The following TSPAN15 variants were observed in gnomAD, a reference collection of about 807,000 sequenced individuals.
The protein encoded by TSPAN15 is tetraspanin 15.
Under a neutral mutation model 34.5 loss-of-function variants are expected in TSPAN15, and 20 were observed. That is an observed-to-expected ratio of 0.58 (90% CI 0.41 to 0.84). TSPAN15 has a LOEUF of 0.84. Ranked by LOEUF, TSPAN15 falls within the 40% of genes least tolerant of loss-of-function variation. TSPAN15 has a pLI of 0.00. For synonymous variants in TSPAN15, 155 were observed against 153.9 expected (o/e 1.01, Z -0.05); for missense variants, 313 against 386.1 (o/e 0.81, Z 1.59).
intron 3 of TSPAN15, chr10:69,494,789 G>A (rs147013285): frequency 7.1e-6 from 7 of 985,364 alleles, no homozygotes; most frequent in African/African-American, 5.2e-5. Context: ...GCTGATACTC[G>A]ACCTCCGTGC....
At chr10:69,532,834 A>G in the TSPAN15 span, among the ~76,000 whole-genome samples, 1 of 152,196 alleles carries the variant, frequency 6.6e-6, no homozygotes, top group Non-Finnish European at 1.5e-5. Context: ...AATCATCAAG[A>G]AAAAAGCAAA....
At chr10:69,546,795 C>G in the TSPAN15 span, among the ~76,000 whole-genome samples, 1 of 152,108 alleles carries the variant, frequency 6.6e-6, no homozygotes, top group African/African-American at 2.4e-5. Context: ...CTCAGTCTTT[C>G]TGCTGCAGAC....
the TSPAN15 span, among the ~76,000 whole-genome samples, chr10:69,532,516 T>C: frequency 6.6e-6 from 1 of 152,190 alleles, no homozygotes; most frequent in Admixed American, 6.5e-5. Flanking sequence ...TCTCACCTTA[T>C]ACAAAAATCA....
intron 1 of TSPAN15, among the ~76,000 whole-genome samples, chr10:69,455,620 C>T (rs1564595642): frequency 4.7e-5 from 5 of 105,878 alleles, no homozygotes; most frequent in African/African-American, 1.6e-4. Flanking sequence ...CTCTCTCTCT[C>T]TCTCTCCCCC....
the TSPAN15 span, among the ~76,000 whole-genome samples, chr10:69,513,456 C>G: frequency 2.6e-5 from 4 of 152,288 alleles, no homozygotes; most frequent in South Asian, 8.3e-4. Context: ...ATCTTCCCAC[C>G]TCAGCCTCCT....
chr10:69,495,830 A>G (rs1349794408), intron 4 of TSPAN15, 141 bp downstream of exon 4: 4 of 645,610 alleles, frequency 6.2e-6, no homozygotes, highest in Non-Finnish European at 1.1e-5. Flanking sequence ...GGGAGGCAAC[A>G]GTGAGCATGG....
At chr10:69,516,419 G>A in the TSPAN15 span, among the ~76,000 whole-genome samples, 1 of 152,208 alleles carries the variant, frequency 6.6e-6, no homozygotes, top group Non-Finnish European at 1.5e-5. Context: ...TGCCCCAGCA[G>A]TGCCTCCACC....
the TSPAN15 span, among the ~76,000 whole-genome samples, chr10:69,531,709 A>C: frequency 7.9e-5 from 12 of 152,228 alleles, no homozygotes; most frequent in Non-Finnish European, 1.3e-4. Flanking sequence ...CCTGCACAAA[A>C]GGTCAATAAA....
chr10:69,495,632 T>C lies in TSPAN15; in HGVS notation c.396T>C (p.Ile132=). Reference sequence around the variant, plus strand: ...TGAACGACAACATTCGAAGAGGAATTGAGAACTACTATGATGATCTGGACT... The same window carrying C: ...TGAACGACAACATTCGAAGAGGAATCGAGAACTACTATGATGATCTGGACT... ...DFLNDNIRRG[I]ENYYDDLDFK... is the part of the protein sequence containing the mutation. Residue 132 remains isoleucine (I), a synonymous_variant, in exon 4 of 8, where the codon ATT becomes ATC. Transcript: ENST00000373290. The C allele has an allele frequency of 6.2e-7, 1 of 1,613,458 alleles. No homozygotes were observed.
chr10:69,498,372 C>G lies in TSPAN15; in HGVS notation c.546C>G (p.Pro182=). 1 of 1,613,972 alleles carries G rather than the reference C, an allele frequency of 6.2e-7. No homozygotes were observed. Among genetic ancestry groups the G allele is most frequent in the Non-Finnish European group, 8.5e-7 (1 of 1,179,948 alleles). Residue 182 remains proline (P), a synonymous_variant, in exon 5 of 8, where the codon CCC becomes CCG. Coordinates refer to ENST00000373290, the MANE Select transcript of TSPAN15 (RefSeq NM_012339.5). ...SAPGPLACGV[P]YTCCIRNTTE... is the part of the protein sequence containing the mutation. ...CTGGACCCCTGGCCTGTGGGGTGCC[C>G]TACACCTGCTGCATCAGGAACACGG...
downstream of TSPAN15, among the ~76,000 whole-genome samples, chr10:69,510,607 C>A (rs10823398): frequency 0.51 from 78,212 of 152,024 alleles, 20,826 homozygotes; most frequent in African/African-American, 0.63. Context: ...AACTTCTAAC[C>A]CTATGTTGAA....
intron 1 of TSPAN15, among the ~76,000 whole-genome samples, chr10:69,457,892 C>T (rs1295764294): frequency 1.3e-5 from 2 of 152,214 alleles, no homozygotes; most frequent in Non-Finnish European, 2.9e-5. Context: ...ATTAGTCGTT[C>T]TTTTCCTGCC....
At chr10:69,482,578 G>A (rs979830549) in intron 1 of TSPAN15, among the ~76,000 whole-genome samples, 3 of 152,210 alleles carry the variant, frequency 2.0e-5, no homozygotes, top group African/African-American at 4.8e-5. Flanking sequence ...TTTAATACGC[G>A]TTGTGGCGGC....
At chr10:69,512,846 G>A in the TSPAN15 span, among the ~76,000 whole-genome samples, 123 of 152,274 alleles carry the variant, frequency 8.1e-4, 1 homozygote, top group Middle Eastern at 6.8e-3. Context: ...ACTGATGGAC[G>A]TTTTGTTTCC....
chr10:69,471,408 G>A (rs1210148226), intron 1 of TSPAN15, among the ~76,000 whole-genome samples: 2 of 152,184 alleles, frequency 1.3e-5, no homozygotes, highest in Admixed American at 1.3e-4. Context: ...TGAGAATCCA[G>A]CTGCTTTCTT....
chr10:69,544,909 C>T, the TSPAN15 span, among the ~76,000 whole-genome samples: 6 of 152,328 alleles, frequency 3.9e-5, no homozygotes, highest in South Asian at 2.1e-4. Flanking sequence ...CAAAAGCCAG[C>T]GGCCTGGAGG....
At chr10:69,521,556 C>T in the TSPAN15 span, among the ~76,000 whole-genome samples, 1 of 147,188 alleles carries the variant, frequency 6.8e-6, no homozygotes, top group African/African-American at 2.5e-5. Context: ...GCCTGGGTGA[C>T]AGAGCAAGAC....
At chr10:69,539,523 GAA>G in the TSPAN15 span, among the ~76,000 whole-genome samples, 3 of 115,530 alleles carry the variant, frequency 2.6e-5, no homozygotes, top group South Asian at 2.9e-4. Flanking sequence ...AGAAGAAGAA[GAA>G]GAAGAAGAAG....
intron 1 of TSPAN15, among the ~76,000 whole-genome samples, chr10:69,458,999 A>G (rs1841178546): frequency 6.6e-6 from 1 of 151,776 alleles, no homozygotes; most frequent in Admixed American, 6.6e-5. Context: ...TCAACCTGAT[A>G]AGGGACTGAT....
Sources: gnomAD v4.1 joint callset for allele counts (sites outside exome capture counted in the v4.1 genomes callset) on GRCh38, gnomAD v4.1.1 for gene constraint, MANE v1.5 for transcripts, NCBI Gene and HGNC (gene_info 2026-07-23, HGNC 2026-07-21) for gene names.